GFOD1: variants seen among roughly 807,000 people sequenced by gnomAD.
The protein encoded by GFOD1 is glucose-fructose oxidoreductase domain-containing protein 1.
Under a neutral mutation model 25.4 loss-of-function variants are expected in GFOD1, and 9 were observed. That is an observed-to-expected ratio of 0.35 (90% CI 0.21 to 0.62). GFOD1 has a LOEUF of 0.62. GFOD1 is among the 20% of genes least tolerant of loss of function. The pLI, the probability that GFOD1 is intolerant of heterozygous loss-of-function variation, is 0.72. For synonymous variants in GFOD1, 253 were observed against 245.6 expected, an observed-to-expected ratio of 1.03 and a Z score of -0.28; for missense variants, 403 against 556.9, an observed-to-expected ratio of 0.72 and a Z score of 2.78.
chr6:13,392,816 G>C (rs1337377916), intron 1 of GFOD1, among the ~76,000 whole-genome samples: 1 of 152,080 alleles, frequency 6.6e-6, no homozygotes, highest in African/African-American at 2.4e-5. Flanking sequence ...AGCATTTTGA[G>C]AGGCCAAGGC....
intron 1 of GFOD1, among the ~76,000 whole-genome samples, chr6:13,427,568 G>A (rs1550521): frequency 1.3e-5 from 2 of 151,902 alleles, no homozygotes; most frequent in African/African-American, 4.8e-5. Flanking sequence ...GGAGGATCGC[G>A]TGAGCCCAGG....
chr6:13,486,390 T>G, intron 1 of GFOD1: 1 of 583,314 alleles, frequency 1.7e-6, no homozygotes, highest in South Asian at 2.0e-5. Context: ...TTCTCCAGCC[T>G]GCAATCTACA....
intron 1 of GFOD1, among the ~76,000 whole-genome samples, chr6:13,408,330 A>G (rs1393909831): frequency 7.2e-5 from 11 of 152,220 alleles, no homozygotes; most frequent in Non-Finnish European, 1.5e-4. Flanking sequence ...TTGGGCAGTG[A>G]GGTAGAAGCT....
At chr6:13,396,791 A>T (rs1408966867) in intron 1 of GFOD1, among the ~76,000 whole-genome samples, 4 of 152,164 alleles carry the variant, frequency 2.6e-5, no homozygotes, top group Non-Finnish European at 5.9e-5. Context: ...AAGGGTATGG[A>T]TTCTTTCCAG....
At chr6:13,467,172 T>TAAA (rs1372119973) in intron 1 of GFOD1, among the ~76,000 whole-genome samples, 1 of 151,838 alleles carries the variant, frequency 6.6e-6, no homozygotes, top group Non-Finnish European at 1.5e-5. Context: ...GCAGTCATAA[T>TAAA]AAAACAGCAC....
chr6:13,371,210 C>T (rs7742713), intron 1 of GFOD1, among the ~76,000 whole-genome samples: 17,631 of 152,154 alleles, frequency 0.12, 3,256 homozygotes, highest in African/African-American at 0.39. Flanking sequence ...TCTTATAAGC[C>T]CTTTACAGCC....
intron 1 of GFOD1, among the ~76,000 whole-genome samples, chr6:13,481,021 A>C (rs1358927892): frequency 6.6e-6 from 1 of 152,186 alleles, no homozygotes; most frequent in Non-Finnish European, 1.5e-5. Flanking sequence ...GCACTGTCTA[A>C]GGGAGATAAG....
intron 1 of GFOD1, among the ~76,000 whole-genome samples, chr6:13,462,022 C>G (rs903109443): frequency 3.3e-5 from 5 of 152,190 alleles, no homozygotes; most frequent in African/African-American, 1.2e-4. Flanking sequence ...GCTCTGACAC[C>G]ACCAGCTCCT....
intron 1 of GFOD1, among the ~76,000 whole-genome samples, chr6:13,419,850 G>A (rs1301368247): frequency 1.3e-5 from 2 of 152,006 alleles, no homozygotes; most frequent in Non-Finnish European, 2.9e-5. Flanking sequence ...CTACTTAAAC[G>A]TCCCCTCTTC....
At chr6:13,446,411 A>G (rs888270443) in intron 1 of GFOD1, among the ~76,000 whole-genome samples, 2 of 152,180 alleles carry the variant, frequency 1.3e-5, no homozygotes, top group Non-Finnish European at 2.9e-5. Flanking sequence ...GTCATTAATT[A>G]TATCGACTGG....
rs142652916 is a variant in GFOD1, at chr6:13,402,194, G to C, written c.254-36532C>G. Among the ~76,000 whole-genome samples, 524 of 152,196 alleles carry C rather than the reference G, an allele frequency of 3.4e-3. 4 individuals carry two copies. The highest frequency in any genetic ancestry group is 0.012 in the African/African-American group (507 of 41,544). ...TCACATGCAAAAATTTACTCAATAT[G>C]GATCAAAGCCTAAATGTAAAAGCTA... On this transcript the variant is annotated intron_variant, in intron 1 of 1. Coordinates refer to ENST00000379287, the MANE Select transcript of GFOD1 (RefSeq NM_018988.4).
intron 1 of GFOD1, among the ~76,000 whole-genome samples, chr6:13,432,362 C>T (rs1048920337): frequency 5.9e-5 from 9 of 151,850 alleles, no homozygotes; most frequent in African/African-American, 1.9e-4. Context: ...CACAGGCATG[C>T]ACCACCATGG....
chr6:13,382,008 G>T (rs1373715499), intron 1 of GFOD1, among the ~76,000 whole-genome samples: 5 of 151,584 alleles, frequency 3.3e-5, no homozygotes, highest in Admixed American at 6.6e-5. Context: ...TGCTTTGTAG[G>T]AATCATCTCA....
intron 1 of GFOD1, among the ~76,000 whole-genome samples, chr6:13,482,309 TA>T (rs1758770410): frequency 6.7e-6 from 1 of 148,772 alleles, no homozygotes; most frequent in South Asian, 2.1e-4. Flanking sequence ...AAAATTTATG[TA>T]ATAAATTTAA....
At chr6:13,481,878 G>C (rs1230224759) in intron 1 of GFOD1, among the ~76,000 whole-genome samples, 1 of 152,132 alleles carries the variant, frequency 6.6e-6, no homozygotes. Flanking sequence ...AAACAAGCTG[G>C]CATGTGTGCA....
Position 13,365,983 on chromosome 6 carries a change from G to A in GFOD1, c.254-321C>T, listed in dbSNP as rs1295979072. Among the ~76,000 whole-genome samples the A allele has an allele frequency of 6.6e-6, 1 of 150,720 alleles. No homozygotes were observed. The highest frequency in any genetic ancestry group is 2.1e-4 in the South Asian group (1 of 4,808). On this transcript the variant is annotated intron_variant, in intron 1 of 1. Transcript: ENST00000379287. This position sits in a 1 kb window ranked among gnomAD's most constrained non-coding sequence, Gnocchi z 9.2. ...GCTACTCAGGAGGCCGAAGTGGGAG[G>A]ATCACTTGAGCCCAGGAGGTTGAGG...
intron 1 of GFOD1, chr6:13,408,088 A>G: frequency 4.1e-6 from 4 of 985,436 alleles, no homozygotes; most frequent in Non-Finnish European, 3.6e-6. Flanking sequence ...AACGTGGCTG[A>G]GAGCCCGGCC....
At chr6:13,478,716 G>A (rs1057470632) in intron 1 of GFOD1, among the ~76,000 whole-genome samples, 4 of 152,248 alleles carry the variant, frequency 2.6e-5, no homozygotes, top group African/African-American at 7.2e-5. Flanking sequence ...ATATTTGGGA[G>A]CTGCGTGTGG....
intron 1 of GFOD1, among the ~76,000 whole-genome samples, chr6:13,444,662 A>C (rs1757974865): frequency 1.3e-5 from 2 of 152,300 alleles, no homozygotes; most frequent in African/African-American, 4.8e-5. Context: ...TTTATGTCTA[A>C]GTAACTGGAA....
Sources: gnomAD v4.1 joint callset for allele counts (sites outside exome capture counted in the v4.1 genomes callset) on GRCh38, gnomAD v4.1.1 for gene constraint, Gnocchi (gnomAD v3.1) non-coding constraint, MANE v1.5 for transcripts, NCBI Gene and HGNC (gene_info 2026-07-23, HGNC 2026-07-21) for gene names.